TACC1: variants seen among roughly 807,000 people sequenced by gnomAD.
TACC1 encodes the protein transforming acidic coiled-coil-containing protein 1.
TACC1 carries 48 observed loss-of-function variants against 84.4 expected under a neutral mutation model. That is an observed-to-expected ratio of 0.57 (90% CI 0.45 to 0.72). TACC1 has a LOEUF of 0.72. Among genes scored for constraint, TACC1 ranks in the 30% least tolerant of loss-of-function variants. The probability of loss-of-function intolerance (pLI) is 0.00; values close to 1 mark genes in which losing one functional copy is unlikely to be tolerated. For missense variants in TACC1, 920 were observed against 973.0 expected (o/e 0.95, Z 0.72); for synonymous variants, 372 against 376.3 (o/e 0.99, Z 0.13).
intron 3 of TACC1, among the ~76,000 whole-genome samples, chr8:38,756,817 A>G (rs1587315051): frequency 2.0e-5 from 3 of 152,316 alleles, no homozygotes; most frequent in East Asian, 3.9e-4. Context: ...GGGAAAGAGC[A>G]TGCCCTTTGC....
chr8:38,820,624 G>A lies in TACC1; in HGVS notation c.1380G>A (p.Ser460=), dbSNP rs745562383. 23 of 1,605,572 alleles carry A rather than the reference G, an allele frequency of 1.4e-5. No individual in the cohort carries two copies. The highest frequency in any genetic ancestry group is 1.3e-4 in the South Asian group (12 of 91,026). Residue 460 remains serine (S), a synonymous_variant, in exon 3 of 13, where the codon TCG becomes TCA. Coordinates refer to ENST00000317827, the MANE Select transcript of TACC1 (RefSeq NM_006283.3). ...EILESPKKAK[S]RLITSGCKVK... is the part of the protein sequence containing the mutation. ...TAGAATCACCCAAGAAGGCAAAGTC[G>A]CGTTTAATAACGTGAGTGACAGTGG...
intron 2 of TACC1, among the ~76,000 whole-genome samples, chr8:38,810,524 A>G (rs909126446): frequency 2.6e-5 from 4 of 152,114 alleles, no homozygotes; most frequent in Non-Finnish European, 2.9e-5. Context: ...GGATTGTCTG[A>G]GCATAGGAGG....
chr8:38,787,609 G>A lies in TACC1; in HGVS notation c.27G>A (p.Leu9=). Residue 9 remains leucine, a synonymous_variant, in exon 1 of 13, where the codon CTG becomes CTA. Coordinates refer to ENST00000317827, the MANE Select transcript of TACC1 (RefSeq NM_006283.3). MAFSPWQI[L]SPVQWAKWTW... Reference sequence around the variant, plus strand: ...TGGCGTTCAGCCCGTGGCAGATCCTGTCCCCCGTGCAGTGGGCGAAATGGA... The same window carrying A: ...TGGCGTTCAGCCCGTGGCAGATCCTATCCCCCGTGCAGTGGGCGAAATGGA... 1 of 1,545,274 alleles carries A rather than the reference G, an allele frequency of 6.5e-7. No individual in the cohort carries two copies. The highest frequency in any genetic ancestry group is 8.7e-7 in the Non-Finnish European group (1 of 1,144,180).
At chr8:38,783,849 G>A (rs942042612), upstream of TACC1, among the ~76,000 whole-genome samples, 8 of 152,216 alleles carry the variant, frequency 5.3e-5, no homozygotes, top group Admixed American at 2.6e-4. Context: ...GTAGTGGAGG[G>A]AAGATTGTAA....
At chr8:38,814,488 C>T (rs1048163282) in intron 2 of TACC1, among the ~76,000 whole-genome samples, 3 of 152,262 alleles carry the variant, frequency 2.0e-5, no homozygotes, top group East Asian at 1.9e-4. Context: ...GTATTCAGTA[C>T]GGTAACATGC....
At chr8:38,765,053 C>G (rs993076925) in intron 3 of TACC1, among the ~76,000 whole-genome samples, 3 of 149,320 alleles carry the variant, frequency 2.0e-5, no homozygotes, top group Non-Finnish European at 4.5e-5. Context: ...AAGCCGAGAT[C>G]ACACCACTAC....
intron 2 of TACC1, among the ~76,000 whole-genome samples, chr8:38,798,724 C>T (rs1820615423): frequency 6.6e-6 from 1 of 151,920 alleles, no homozygotes; most frequent in South Asian, 2.1e-4. Context: ...CTCACCCACT[C>T]AGAATCCCGC....
intron 3 of TACC1, among the ~76,000 whole-genome samples, chr8:38,768,907 CTGTG>C (rs1812831626): frequency 7.4e-6 from 1 of 134,534 alleles, no homozygotes; most frequent in Non-Finnish European, 1.6e-5. Context: ...GTGTGTGTGA[CTGTG>C]TGTGGTGTGT....
At chr8:38,798,343 T>C (rs1587775970) in intron 2 of TACC1, among the ~76,000 whole-genome samples, 1 of 152,174 alleles carries the variant, frequency 6.6e-6, no homozygotes, top group Non-Finnish European at 1.5e-5. Context: ...TTTGAAGTGC[T>C]TTCTTCATCC....
At chr8:38,755,750 A>G (rs60518530) in intron 3 of TACC1, among the ~76,000 whole-genome samples, 7,966 of 91,622 alleles carry the variant, frequency 0.087, 704 homozygotes, top group African/African-American at 0.28. Context: ...CAACAACAAC[A>G]ACAGAGTGTT....
At chr8:38,799,351 G>T (rs1469559660) in intron 2 of TACC1, among the ~76,000 whole-genome samples, 1 of 152,254 alleles carries the variant, frequency 6.6e-6, no homozygotes. Context: ...TTGCCCTGCA[G>T]TGGGCACTGA....
At chr8:38,827,613 A>G in intron 5 of TACC1, 2 of 543,716 alleles carry the variant, frequency 3.7e-6, no homozygotes, top group Non-Finnish European at 3.3e-6. Flanking sequence ...TGTATGTGAG[A>G]CTGCTTGAAT....
intron 10 of TACC1, among the ~76,000 whole-genome samples, chr8:38,842,935 C>A (rs1831536333): frequency 6.6e-6 from 1 of 151,998 alleles, no homozygotes; most frequent in South Asian, 2.1e-4. Context: ...CAACCAGACA[C>A]AATTATAGCA....
At chr8:38,747,346 C>T (rs1808266065) in intron 3 of TACC1, among the ~76,000 whole-genome samples, 1 of 152,206 alleles carries the variant, frequency 6.6e-6, no homozygotes, top group South Asian at 2.1e-4. Context: ...AACAATCTTA[C>T]TCCTGGGTAT....
chr8:38,830,051 A>G (rs922001662), intron 5 of TACC1, among the ~76,000 whole-genome samples: 2 of 152,224 alleles, frequency 1.3e-5, no homozygotes, highest in African/African-American at 4.8e-5. Flanking sequence ...GTGGGAAACA[A>G]GGTCATACCG....
At chr8:38,787,165 G>A (rs1426708338), upstream of TACC1, 1 of 984,554 alleles carries the variant, frequency 1.0e-6, no homozygotes, top group African/African-American at 1.8e-5. Context: ...CGAGTAGTAC[G>A]GTCCGAGGGG....
At chr8:38,821,301 A>C (rs980116630) in intron 3 of TACC1, among the ~76,000 whole-genome samples, 2 of 152,324 alleles carry the variant, frequency 1.3e-5, no homozygotes, top group African/African-American at 4.8e-5. Flanking sequence ...AGACAATTCA[A>C]ATGTCACTGC....
intron 3 of TACC1, among the ~76,000 whole-genome samples, chr8:38,765,526 C>A (rs1456560799): frequency 6.6e-6 from 1 of 152,100 alleles, no homozygotes; most frequent in African/African-American, 2.4e-5. Flanking sequence ...TAACACTGCC[C>A]CTTTATTATT....
intron 3 of TACC1, among the ~76,000 whole-genome samples, chr8:38,778,223 A>G (rs1815212456): frequency 6.6e-6 from 1 of 151,920 alleles, no homozygotes; most frequent in Non-Finnish European, 1.5e-5. Context: ...TGGGATTACA[A>G]TCATGAGCCA....
Sources: gnomAD v4.1 joint callset for allele counts (sites outside exome capture counted in the v4.1 genomes callset) on GRCh38, gnomAD v4.1.1 for gene constraint, MANE v1.5 for transcripts, NCBI Gene and HGNC (gene_info 2026-07-23, HGNC 2026-07-21) for gene names.